Variants in WDR35 observed in about 807,000 individuals in gnomAD.
The protein encoded by WDR35 is WD repeat-containing protein 35.
Under a neutral mutation model 158.3 loss-of-function variants are expected in WDR35, and 118 were observed. The observed-to-expected ratio is 0.75, with a 90% CI of 0.64 to 0.87. WDR35 has a LOEUF of 0.87. Ranked by LOEUF, WDR35 falls within the 40% of genes least tolerant of loss-of-function variation. The probability of loss-of-function intolerance (pLI) is 0.00; values close to 1 mark genes in which losing one functional copy is unlikely to be tolerated. For missense variants in WDR35, 1,263 were observed against 1,405.8 expected (o/e 0.90, Z 1.62); for synonymous variants, 448 against 476.1 (o/e 0.94, Z 0.77).
At position 19,979,724 on chromosome 2, in the gene WDR35, AACAG is replaced by A. The variant is rs772548393; in HGVS notation, c.308-849_308-846del. On this transcript the variant is annotated intron_variant, in intron 4 of 26. Transcript: ENST00000281405. ...AGAAGACCTGAAGACCTACCTTGGA[AACAG>A]ACAAAGTTTACTCCAGTCCACTGAA... is the stretch of plus-strand genomic sequence containing the variant. Among the ~76,000 whole-genome samples the A allele has an allele frequency of 1.8e-3, 274 of 151,594 alleles. 2 individuals are homozygous for A. The highest frequency in any genetic ancestry group is 3.1e-3 in the Non-Finnish European group (209 of 67,892).
Position 19,982,570 on chromosome 2 carries a change from T to C in WDR35, c.143-36A>G, listed in dbSNP as rs781556155. ...ACAAAACAAACTACTATGATAAATA[T>C]GTAAAAGTGACATATTATAAGATTT... On this transcript the variant is annotated intron_variant, in intron 2 of 26. Coordinates refer to ENST00000281405, the MANE Select transcript of WDR35 (RefSeq NM_020779.4). 4.4e-6 allele frequency: 7 copies of C among 1,600,018 alleles called. No individual in the cohort carries two copies. In the Admixed American group the frequency reaches 8.4e-5, roughly 19 times the overall value.
intron 14 of WDR35, among the ~76,000 whole-genome samples, chr2:19,947,373 C>A (rs1316722625): frequency 6.6e-6 from 1 of 151,892 alleles, no homozygotes; most frequent in Non-Finnish European, 1.5e-5. Context: ...TAAGATTTTT[C>A]CCCCCATAAA....
intron 8 of WDR35, among the ~76,000 whole-genome samples, chr2:19,972,472 A>G (rs1672060929): frequency 6.6e-6 from 1 of 152,214 alleles, no homozygotes; most frequent in Non-Finnish European, 1.5e-5. Flanking sequence ...AATAACCAAT[A>G]AAGAACAAGA....
intron 25 of WDR35, among the ~76,000 whole-genome samples, chr2:19,924,437 G>A (rs1051357990): frequency 6.6e-5 from 10 of 152,102 alleles, no homozygotes; most frequent in South Asian, 2.1e-4. Flanking sequence ...GGTGGCGGGC[G>A]CCTGTAGTGC....
In WDR35 at chr2:19,914,112, T is replaced by G; in HGVS notation, c.3287A>C (p.Asp1096Ala). 6.2e-7 allele frequency: 1 copy of G among 1,614,168 alleles called. No individual in the cohort carries two copies. Among genetic ancestry groups the G allele is most frequent in the Non-Finnish European group, 8.5e-7 (1 of 1,180,008 alleles). The change falls in exon 26 of 27, where the codon GAC becomes GCC. Residue 1096 changes from aspartate (D) to alanine (A), a missense_variant. Coordinates refer to ENST00000281405, the MANE Select transcript of WDR35 (RefSeq NM_020779.4). ...LSSEQKQQYE[D>A]LALEIFTKHT... is the part of the protein sequence containing the mutation. ...TTTGGTGAAGATTTCTAAAGCAAGG[T>G]CTTCATACTGCTGTTTCTGTTCTGA...
intron 9 of WDR35, among the ~76,000 whole-genome samples, chr2:19,968,728 T>A (rs1671936385): frequency 6.6e-6 from 1 of 152,194 alleles, no homozygotes; most frequent in Non-Finnish European, 1.5e-5. Flanking sequence ...CAAAATTAAA[T>A]ATATAAGATT....
At chr2:19,924,083 G>C (rs1450750128) in intron 25 of WDR35, among the ~76,000 whole-genome samples, 1 of 152,162 alleles carries the variant, frequency 6.6e-6, no homozygotes, top group Non-Finnish European at 1.5e-5. Context: ...GGGGTTGGCG[G>C]CTGGGCTGGT....
chr2:19,952,677 C>T (rs529449533), intron 12 of WDR35, among the ~76,000 whole-genome samples: 1 of 151,942 alleles, frequency 6.6e-6, no homozygotes, highest in South Asian at 2.1e-4. Context: ...AGATTCCTTC[C>T]AAAGATTCTT....
chr2:19,946,684 A>G, intron 14 of WDR35, 114 bp from the exon 15 acceptor site: 1 of 915,430 alleles, frequency 1.1e-6, no homozygotes, highest in Non-Finnish European at 1.8e-6. Flanking sequence ...ATGTCACAGC[A>G]AATTCTCAAT....
intron 19 of WDR35, among the ~76,000 whole-genome samples, chr2:19,937,501 GA>G (rs928243581): frequency 2.0e-5 from 3 of 148,128 alleles, no homozygotes; most frequent in East Asian, 2.0e-4. Context: ...CCCATCAAAT[GA>G]AAAAAAAACC....
intron 10 of WDR35, among the ~76,000 whole-genome samples, chr2:19,964,631 AC>A (rs1671789057): frequency 6.6e-6 from 1 of 151,036 alleles, no homozygotes; most frequent in African/African-American, 2.4e-5. Flanking sequence ...TAATCTGCCC[AC>A]CTCGGCCTCC....
In WDR35 at chr2:19,913,026, A is replaced by G. The variant is rs1367805143; in HGVS notation, c.*532T>C. On this transcript the variant is annotated 3_prime_UTR_variant, in exon 27 of 27. Transcript: ENST00000281405. ...AATTCAGATTGTAAAAAATGTCTTA[A>G]AATGCCATCGCCTCACTTCTGAAAA... is the stretch of plus-strand genomic sequence containing the variant. 6.6e-6 allele frequency: 1 copy of G among 152,662 alleles called. No homozygotes were observed. The highest frequency in any genetic ancestry group is 1.9e-4 in the East Asian group (1 of 5,218). The allele number at this position is 152,662 out of a possible 1,614,324, so 9.5% of individuals were successfully genotyped here. A position where few individuals can be genotyped will look rare whatever the true frequency, so the allele number is the denominator to read the frequency against.
In WDR35 at chr2:19,930,512, A is replaced by G. The variant is rs986927622; in HGVS notation, c.3005T>C (p.Leu1002Pro). Residue 1002 changes from leucine to proline, a missense_variant, in exon 25 of 27, where the codon CTG (leucine) becomes CCG (proline). Physicochemically the swap from Leu to Pro is moderately conservative, Grantham distance 98. Transcript: ENST00000281405. ...ATCTGTGAAACGATCTGTTGTAGAC[A>G]GAACTTCTTCTTCCAGCAAACCAGC... is the stretch of plus-strand genomic sequence containing the variant. ...ALAGLLEEEV[L>P]STTDRFTDNA... The G allele has an allele frequency of 6.2e-7, 1 of 1,614,210 alleles. No individual in the cohort carries two copies. Among genetic ancestry groups the G allele is most frequent in the Non-Finnish European group, 8.5e-7 (1 of 1,180,046 alleles).
chr2:19,975,275 C>T (rs779662302), intron 6 of WDR35, among the ~76,000 whole-genome samples: 16 of 152,284 alleles, frequency 1.1e-4, no homozygotes, highest in Admixed American at 5.9e-4. Context: ...ACTGACACCT[C>T]GTCCTTTCTA....
intron 19 of WDR35, among the ~76,000 whole-genome samples, chr2:19,937,186 A>C (rs1417191041): frequency 1.3e-5 from 2 of 152,236 alleles, no homozygotes; most frequent in Admixed American, 1.3e-4. Flanking sequence ...CTTGTGGTTC[A>C]GTGGCTAAGA....
rs897131180 is a variant in WDR35, at chr2:19,938,303, T to C, written c.2025A>G (p.Ala675=). 1 of 1,613,948 alleles carries C rather than the reference T, an allele frequency of 6.2e-7. No individual in the cohort carries two copies. The highest frequency in any genetic ancestry group is 8.5e-7 in the Non-Finnish European group (1 of 1,180,016). ...GTGGATTGTCCTCTATGAACTGAGATGCATCTTTAATTCCAACCTTCTCAA... is the reference window on the plus strand; with the variant it reads ...GTGGATTGTCCTCTATGAACTGAGACGCATCTTTAATTCCAACCTTCTCAA... ...ALIEKVGIKD[A]SQFIEDNPHP... is the part of the protein sequence containing the mutation. Residue 675 remains alanine (A), a synonymous_variant, in exon 18 of 27, where the codon GCA becomes GCG. Transcript: ENST00000281405.
chr2:19,976,124 AG>A (rs1382306800), intron 5 of WDR35, among the ~76,000 whole-genome samples: 4 of 152,110 alleles, frequency 2.6e-5, no homozygotes, highest in Non-Finnish European at 5.9e-5. Context: ...ACCTTTGCAA[AG>A]ATCTCCCTTT....
Position 19,928,364 on chromosome 2 carries a change from C to T in WDR35, c.3121+2032G>A, listed in dbSNP as rs139777462. On this transcript the variant is annotated intron_variant, in intron 25 of 26. Transcript: ENST00000281405. ...ATGACTGGCTTGCTGTTAATAAATA[C>T]GTGGGTAAATCTCTGTTCGGGGCTC... Among the ~76,000 whole-genome samples, 78 of 152,284 alleles carry T rather than the reference C, an allele frequency of 5.1e-4. 1 individual carries two copies. The East Asian group carries it at 0.011, about 21-fold the overall frequency.
intron 11 of WDR35, 68 bp from the exon 12 acceptor site, chr2:19,954,046 CT>C: frequency 6.3e-7 from 1 of 1,585,364 alleles, no homozygotes; most frequent in East Asian, 2.2e-5. Context: ...CTGCAAAGGC[CT>C]TTAGTAATCA....
Sources: gnomAD v4.1 joint callset for allele counts (sites outside exome capture counted in the v4.1 genomes callset) on GRCh38, gnomAD v4.1.1 for gene constraint, MANE v1.5 for transcripts, NCBI Gene and HGNC (gene_info 2026-07-23, HGNC 2026-07-21) for gene names.